Variants in CSMD1 observed in about 807,000 individuals in gnomAD.
The protein encoded by CSMD1 is CUB and sushi domain-containing protein 1.
CSMD1 carries 213 observed loss-of-function variants against 417.5 expected under a neutral mutation model. The ratio of observed to expected loss-of-function variants is 0.51; its 90% CI spans 0.46 to 0.57. CSMD1 has a LOEUF of 0.57. CSMD1 is among the 20% of genes least tolerant of loss of function. The probability of loss-of-function intolerance (pLI) is 0.00; values close to 1 mark genes in which losing one functional copy is unlikely to be tolerated. For synonymous variants in CSMD1, 2,862 were observed against 1,736.8 expected, an observed-to-expected ratio of 1.65 and a Z score of -16.11; for missense variants, 6,923 against 4,529.7, an observed-to-expected ratio of 1.53 and a Z score of -15.17.
intron 3 of CSMD1, among the ~76,000 whole-genome samples, chr8:4,209,203 C>T (rs1442861753): frequency 6.6e-6 from 1 of 152,020 alleles, no homozygotes; most frequent in African/African-American, 2.4e-5. Flanking sequence ...TATCGCTCAC[C>T]TTTTCAACAC....
chr8:3,973,117 G>A (rs980771356), intron 5 of CSMD1, among the ~76,000 whole-genome samples: 48 of 152,326 alleles, frequency 3.2e-4, no homozygotes, highest in African/African-American at 1.1e-3. Context: ...TTTCTTGACA[G>A]TTGGAAAGTT....
At position 4,731,714 on chromosome 8, in the gene CSMD1, G is replaced by A. The variant is rs185918821; in HGVS notation, c.86-94156C>T. Among the ~76,000 whole-genome samples the A allele has an allele frequency of 2.8e-3, 422 of 152,226 alleles. 1 individual carries two copies. The highest frequency in any genetic ancestry group is 4.5e-3 in the Non-Finnish European group (305 of 68,024). ...TGTTTCAAAGCTCCAATGGGTTCAC[G>A]AGGACCCAGGAACAGCAGCCACAGC... is the stretch of plus-strand genomic sequence containing the variant. On this transcript the variant is annotated intron_variant, in intron 1 of 69. Coordinates refer to ENST00000635120, the MANE Select transcript of CSMD1 (RefSeq NM_033225.6).
intron 1 of CSMD1, among the ~76,000 whole-genome samples, chr8:4,824,692 T>C (rs946288327): frequency 6.6e-6 from 1 of 152,148 alleles, no homozygotes; most frequent in African/African-American, 2.4e-5. Flanking sequence ...CACATTTCTA[T>C]CCACTGAAAT....
At chr8:4,557,118 C>T (rs1232741776) in intron 2 of CSMD1, among the ~76,000 whole-genome samples, 1 of 152,132 alleles carries the variant, frequency 6.6e-6, no homozygotes, top group Non-Finnish European at 1.5e-5. Context: ...TCTGCCATAT[C>T]CTGGGTGATT....
At chr8:4,162,872 G>A (rs1011909571) in intron 3 of CSMD1, among the ~76,000 whole-genome samples, 10 of 152,126 alleles carry the variant, frequency 6.6e-5, no homozygotes, top group Middle Eastern at 3.4e-3. Context: ...TAGTTTCCCC[G>A]CCCTAAAAAT....
intron 3 of CSMD1, among the ~76,000 whole-genome samples, chr8:4,099,601 C>G (rs893274503): frequency 6.6e-6 from 1 of 151,850 alleles, no homozygotes; most frequent in African/African-American, 2.4e-5. Flanking sequence ...TTCTTCAAAA[C>G]CATCCCCCAA....
chr8:4,052,202 G>C (rs12541545), intron 3 of CSMD1, among the ~76,000 whole-genome samples: 1 of 152,140 alleles, frequency 6.6e-6, no homozygotes, highest in African/African-American at 2.4e-5. Flanking sequence ...TGGGGTTACA[G>C]GCATGAGCCA....
rs191156772 is a variant in CSMD1 at position 3,823,088 on chromosome 8, C to G, written c.819-69046G>C. ...AGAGATTTCAAGAGGAATAAATTACCTGGGATCTCATGGCCCTTTCATACA... is the reference window on the plus strand; with the variant it reads ...AGAGATTTCAAGAGGAATAAATTACGTGGGATCTCATGGCCCTTTCATACA... On this transcript the variant is annotated intron_variant, in intron 5 of 69. Coordinates refer to ENST00000635120, the MANE Select transcript of CSMD1 (RefSeq NM_033225.6). 1.9e-3 allele frequency among the ~76,000 whole-genome samples: 293 copies of G among 152,204 alleles called. 1 individual carries two copies. The highest frequency in any genetic ancestry group is 6.9e-3 in the African/African-American group (287 of 41,532).
intron 3 of CSMD1, among the ~76,000 whole-genome samples, chr8:4,152,521 T>A (rs1796621321): frequency 2.5e-5 from 2 of 80,472 alleles, no homozygotes; most frequent in Admixed American, 1.5e-4. Flanking sequence ...CTACAGAGAG[T>A]ACCAAAAAAA....
intron 10 of CSMD1, among the ~76,000 whole-genome samples, chr8:3,538,726 G>T (rs969887887): frequency 2.0e-5 from 3 of 152,158 alleles, no homozygotes; most frequent in Admixed American, 1.3e-4. Flanking sequence ...TCCGTCACGT[G>T]CACTTGCGAT....
chr8:3,592,352 G>A (rs879688911), intron 8 of CSMD1, among the ~76,000 whole-genome samples: 26 of 152,098 alleles, frequency 1.7e-4, no homozygotes, highest in Middle Eastern at 3.4e-3. Flanking sequence ...ATTAGGTATC[G>A]AAGGTAGGCA....
At chr8:3,982,115 A>G (rs1354572211) in intron 5 of CSMD1, among the ~76,000 whole-genome samples, 2 of 151,110 alleles carry the variant, frequency 1.3e-5, no homozygotes, top group African/African-American at 4.9e-5. Flanking sequence ...TCGAGATTGC[A>G]CAACTGCACT....
At chr8:4,097,676 A>T (rs1276084943) in intron 3 of CSMD1, among the ~76,000 whole-genome samples, 1 of 152,242 alleles carries the variant, frequency 6.6e-6, no homozygotes, top group Non-Finnish European at 1.5e-5. Flanking sequence ...TGTTTAAGAC[A>T]GTGAATTTTA....
intron 5 of CSMD1, among the ~76,000 whole-genome samples, chr8:3,826,597 C>G (rs1265546704): frequency 6.6e-6 from 1 of 152,126 alleles, no homozygotes; most frequent in Non-Finnish European, 1.5e-5. Flanking sequence ...CCCAGCCCAG[C>G]TTTCCTCTCA....
At chr8:4,599,510 G>GTT (rs577419625) in intron 2 of CSMD1, among the ~76,000 whole-genome samples, 1 of 143,852 alleles carries the variant, frequency 7.0e-6, no homozygotes, top group South Asian at 2.2e-4. Context: ...TAAACCATCA[G>GTT]TTTTTTTTTT....
At chr8:3,852,259 A>G (rs1031908039) in intron 5 of CSMD1, among the ~76,000 whole-genome samples, 3 of 152,160 alleles carry the variant, frequency 2.0e-5, no homozygotes, top group East Asian at 3.9e-4. Flanking sequence ...GGTGGTAACC[A>G]TCCTGTAGGC....
chr8:2,982,608 C>T (rs756771560), intron 54 of CSMD1, among the ~76,000 whole-genome samples: 4 of 152,158 alleles, frequency 2.6e-5, no homozygotes, highest in Non-Finnish European at 1.5e-5. Flanking sequence ...TGCCTCACAC[C>T]GTAGTAGGTC....
intron 38 of CSMD1, among the ~76,000 whole-genome samples, chr8:3,159,132 C>T (rs983335698): frequency 2.0e-5 from 3 of 152,142 alleles, no homozygotes; most frequent in African/African-American, 7.2e-5. Context: ...TTAAATTATC[C>T]TTACAAATTT....
At chr8:3,729,224 G>A (rs1802674785) in intron 6 of CSMD1, among the ~76,000 whole-genome samples, 2 of 152,116 alleles carry the variant, frequency 1.3e-5, no homozygotes, top group African/African-American at 2.4e-5. Context: ...CTCAGGTCAG[G>A]CACACTCTTC....
Sources: gnomAD v4.1 joint callset for allele counts (sites outside exome capture counted in the v4.1 genomes callset) on GRCh38, gnomAD v4.1.1 for gene constraint, MANE v1.5 for transcripts, NCBI Gene and HGNC (gene_info 2026-07-23, HGNC 2026-07-21) for gene names.